The following TGM3 variants were observed in gnomAD, a reference collection of about 807,000 sequenced individuals.
TGM3 encodes the protein protein-glutamine gamma-glutamyltransferase E.
TGM3 carries 52 observed loss-of-function variants against 73.8 expected under a neutral mutation model. The ratio of observed to expected loss-of-function variants is 0.70; its 90% CI spans 0.56 to 0.89. The LOEUF is 0.89. Among genes scored for constraint, TGM3 ranks in the 40% least tolerant of loss-of-function variants. TGM3 has a pLI of 0.00. For missense variants in TGM3, 928 were observed against 909.9 expected (o/e 1.02, Z -0.26); for synonymous variants, 372 against 354.9 (o/e 1.05, Z -0.54).
intron 2 of TGM3, 43 bp downstream of exon 2, chr20:2,309,873 G>C: frequency 2.5e-6 from 4 of 1,611,314 alleles, no homozygotes; most frequent in Non-Finnish European, 2.5e-6. Flanking sequence ...ACACATACTT[G>C]AGTAGCCCTT....
In TGM3 at chr20:2,337,466, C is replaced by T. The variant is rs563918093; in HGVS notation, c.1800+2193C>T. On this transcript the variant is annotated intron_variant, in intron 11 of 12. Transcript: ENST00000381458. Reference sequence around the variant, plus strand: ...AGGCGCGGTGGCTCACTCTTGCAATCCCAGCACTTTGGGAAGCCGAGGCAG... The same window carrying T: ...AGGCGCGGTGGCTCACTCTTGCAATTCCAGCACTTTGGGAAGCCGAGGCAG... 3.3e-5 allele frequency among the ~76,000 whole-genome samples: 5 copies of T among 152,264 alleles called. No homozygotes were observed. In the South Asian group the frequency reaches 6.2e-4, roughly 19 times the overall value.
intron 1 of TGM3, among the ~76,000 whole-genome samples, chr20:2,299,447 G>A (rs1304306073): frequency 2.0e-5 from 3 of 151,894 alleles, no homozygotes; most frequent in Admixed American, 1.3e-4. Context: ...GCTCCACCCC[G>A]CAGGGCTGTC....
Position 2,309,726 on chromosome 20 carries a change from C to T in TGM3, c.77C>T (p.Ser26Phe), listed in dbSNP as rs376878875. ...NRQAHHTDKFSSQELILRRGQ... is the reference protein window; with the variant it reads ...NRQAHHTDKFFSQELILRRGQ... ...CAAGCGCATCACACAGACAAGTTCT[C>T]CAGCCAGGAGCTCATCTTGCGGAGA... Residue 26 changes from serine (S) to phenylalanine (F), a missense_variant, in exon 2 of 13, where the codon TCC becomes TTC. Physicochemically the swap from Ser to Phe is radical, Grantham distance 155. Coordinates refer to ENST00000381458, the MANE Select transcript of TGM3 (RefSeq NM_003245.4). 1.2e-6 allele frequency: 2 copies of T among 1,614,090 alleles called. No individual in the cohort carries two copies. The highest frequency in any genetic ancestry group is 2.2e-5 in the East Asian group (1 of 44,898).
intron 7 of TGM3, among the ~76,000 whole-genome samples, chr20:2,322,707 A>G (rs544772705): frequency 1.3e-5 from 2 of 152,326 alleles, no homozygotes; most frequent in South Asian, 4.1e-4. Flanking sequence ...TGAATGGGGA[A>G]TAATAATCAT....
intron 11 of TGM3, among the ~76,000 whole-genome samples, chr20:2,336,546 C>T (rs1011522556): frequency 6.6e-6 from 1 of 150,460 alleles, no homozygotes; most frequent in Non-Finnish European, 1.5e-5. Flanking sequence ...CGTTCCTGAC[C>T]TCAGAAAGGG....
intron 9 of TGM3, among the ~76,000 whole-genome samples, chr20:2,329,741 G>T (rs567061937): frequency 6.6e-6 from 1 of 152,138 alleles, no homozygotes; most frequent in Non-Finnish European, 1.5e-5. Flanking sequence ...CTGAGCCCTC[G>T]CTTCCTCACC....
intron 1 of TGM3, among the ~76,000 whole-genome samples, chr20:2,309,317 G>C (rs2084190666): frequency 6.6e-6 from 1 of 152,186 alleles, no homozygotes; most frequent in South Asian, 2.1e-4. Context: ...CGTTCCTTAA[G>C]GGCCGAGTGA....
At chr20:2,312,826 G>T in intron 4 of TGM3, 72 bp from the exon 5 acceptor site, 1 of 1,594,612 alleles carries the variant, frequency 6.3e-7, no homozygotes. Flanking sequence ...GTTCTTGCCA[G>T]TGCAGTTCCC....
intron 3 of TGM3, 112 bp from the exon 4 acceptor site, chr20:2,310,899 G>C: frequency 1.1e-6 from 1 of 870,476 alleles, no homozygotes; most frequent in Non-Finnish European, 1.9e-6. Flanking sequence ...AGGGCTAAAG[G>C]TGGGGCTTGC....
At chr20:2,319,921 G>C (rs914104582) in intron 7 of TGM3, among the ~76,000 whole-genome samples, 2 of 152,200 alleles carry the variant, frequency 1.3e-5, no homozygotes, top group Admixed American at 1.3e-4. Flanking sequence ...GAAATATAAG[G>C]GTTGGCCTAG....
In TGM3 at chr20:2,320,033, G is replaced by T. The variant is rs149518501; in HGVS notation, c.983+2548G>T. ...TAAGGGAGCTAGCCCTCCCAAGGGA[G>T]CCCTGCTGTTCCTTCCTCCTTGAAT... is the stretch of plus-strand genomic sequence containing the variant. On this transcript the variant is annotated intron_variant, in intron 7 of 12. Coordinates refer to ENST00000381458, the MANE Select transcript of TGM3 (RefSeq NM_003245.4). 4.6e-5 allele frequency among the ~76,000 whole-genome samples: 7 copies of T among 152,366 alleles called. No individual in the cohort carries two copies. The East Asian group carries it at 1.4e-3, about 29-fold the overall frequency.
rs375569052 is a variant in TGM3, at chr20:2,328,082, C to T, written c.1088-38C>T. 1.2e-6 allele frequency: 2 copies of T among 1,613,042 alleles called. No homozygotes were observed. Among genetic ancestry groups the T allele is most frequent in the Admixed American group, 1.7e-5 (1 of 59,980 alleles). ...GAATCGGGCACTGGGTAGGTTGTGG[C>T]CTTGGCATATATCCAGCCTCTGCAT... On this transcript the variant is annotated intron_variant, in intron 8 of 12. Transcript: ENST00000381458. This position sits in a 1 kb window ranked among gnomAD's most constrained non-coding sequence, Gnocchi z 5.2.
At chr20:2,310,039 T>G in intron 2 of TGM3, 139 bp from the exon 3 acceptor site, 1 of 1,418,514 alleles carries the variant, frequency 7.0e-7, no homozygotes, top group Non-Finnish European at 9.6e-7. Flanking sequence ...GGCCTGTATG[T>G]TTGTTCCAGT....
At position 2,339,925 on chromosome 20, in the gene TGM3, G is replaced by A. The variant is rs141024326; in HGVS notation, c.1872G>A (p.Pro624=). The part of the protein sequence containing the change: ...QMLFSNPLDE[P]VRDCVLMVEG... ...TCTTCTCCAATCCACTGGATGAGCC[G>A]GTGAGGGACTGCGTGCTGATGGTGG... is the stretch of plus-strand genomic sequence containing the variant. Residue 624 remains proline, a synonymous_variant, in exon 12 of 13, where the codon CCG becomes CCA. Coordinates refer to ENST00000381458, the MANE Select transcript of TGM3 (RefSeq NM_003245.4). 52 of 1,613,766 alleles carry A rather than the reference G, an allele frequency of 3.2e-5. No individual in the cohort carries two copies. Among genetic ancestry groups the A allele is most frequent in the African/African-American group, 2.4e-4 (18 of 74,894 alleles).
chr20:2,325,083 T>C (rs1435654575), intron 7 of TGM3, among the ~76,000 whole-genome samples: 2 of 152,198 alleles, frequency 1.3e-5, no homozygotes, highest in Admixed American at 1.3e-4. Context: ...CTCATGAGTA[T>C]AGAAATATTT....
At chr20:2,317,635 G>GCTAAGTGTGTAATCAGC in intron 7 of TGM3, 150 bp downstream of exon 7, 2 of 1,116,448 alleles carry the variant, frequency 1.8e-6, no homozygotes, top group Non-Finnish European at 2.6e-6. Flanking sequence ...TGGCAATGCT[G>GCTAAGTGTGTAATCAGC]ATTACACACT....
intron 11 of TGM3, among the ~76,000 whole-genome samples, chr20:2,339,121 G>A (rs1373734382): frequency 2.0e-5 from 3 of 152,248 alleles, no homozygotes; most frequent in Non-Finnish European, 4.4e-5. Context: ...AAGGACATTG[G>A]TAGACTGGGG....
rs1185998886 is a variant in TGM3, at chr20:2,334,362, A to G, written c.1643-754A>G. Among the ~76,000 whole-genome samples the G allele has an allele frequency of 6.6e-6, 1 of 152,220 alleles. No homozygotes were observed. The highest frequency in any genetic ancestry group is 1.5e-5 in the Non-Finnish European group (1 of 68,034). On this transcript the variant is annotated intron_variant, in intron 10 of 12. Coordinates refer to ENST00000381458, the MANE Select transcript of TGM3 (RefSeq NM_003245.4). This position sits in a 1 kb window ranked among gnomAD's most constrained non-coding sequence, Gnocchi z 4.0. ...CGGAAGATTTTTGAAGTCACATGTG[A>G]CACAGAAGAAGAGTGATTTAGAAAA... is the stretch of plus-strand genomic sequence containing the variant.
intron 7 of TGM3, among the ~76,000 whole-genome samples, chr20:2,318,696 C>T (rs531139818): frequency 3.1e-4 from 47 of 152,254 alleles, no homozygotes; most frequent in African/African-American, 1.1e-3. Context: ...GCTAGATAAT[C>T]GTATGACAGA....
Sources: allele counts gnomAD v4.1 joint callset (sites outside exome capture counted in the v4.1 genomes callset), GRCh38; gene constraint gnomAD v4.1.1; non-coding constraint Gnocchi (gnomAD v3.1); transcripts MANE v1.5; gene names NCBI Gene and HGNC (gene_info 2026-07-23, HGNC 2026-07-21).